The following UTRN variants were observed in gnomAD, a reference collection of about 807,000 sequenced individuals.
UTRN encodes dystrophin-related protein 1.
In UTRN, 283 loss-of-function variants were observed where a neutral mutation model predicts 463.9. The ratio of observed to expected loss-of-function variants is 0.61; its 90% CI spans 0.55 to 0.67. The LOEUF is 0.67. UTRN is among the 30% of genes least tolerant of loss of function. The probability of loss-of-function intolerance (pLI) is 0.00; values close to 1 mark genes in which losing one functional copy is unlikely to be tolerated. For missense variants in UTRN, 3,922 were observed against 4,084.3 expected, an observed-to-expected ratio of 0.96 and a Z score of 1.08; for synonymous variants, 1,442 against 1,431.5, an observed-to-expected ratio of 1.01 and a Z score of -0.17.
intron 2 of UTRN, among the ~76,000 whole-genome samples, chr6:144,329,199 C>G (rs1161785909): frequency 6.6e-6 from 1 of 151,698 alleles, no homozygotes; most frequent in African/African-American, 2.4e-5. Flanking sequence ...TCTCCTGCCT[C>G]AGACTCCCGA....
At chr6:144,352,232 A>T (rs1352667753) in intron 2 of UTRN, among the ~76,000 whole-genome samples, 1 of 152,186 alleles carries the variant, frequency 6.6e-6, no homozygotes, top group Non-Finnish European at 1.5e-5. Flanking sequence ...AGTATTTATT[A>T]TCTAACTCTG....
At chr6:144,663,805 C>G (rs369489391) in intron 51 of UTRN, among the ~76,000 whole-genome samples, 4 of 152,188 alleles carry the variant, frequency 2.6e-5, no homozygotes, top group African/African-American at 9.6e-5. Context: ...TCACATGACT[C>G]TATCTTTTAT....
At chr6:144,544,826 A>T (rs768921890) in intron 46 of UTRN, among the ~76,000 whole-genome samples, 15 of 152,100 alleles carry the variant, frequency 9.9e-5, no homozygotes, top group Admixed American at 4.6e-4. Flanking sequence ...TCCTAAGACC[A>T]GCTCCTCCAC....
intron 27 of UTRN, among the ~76,000 whole-genome samples, chr6:144,483,840 A>C (rs893053274): frequency 2.0e-5 from 3 of 152,228 alleles, no homozygotes; most frequent in African/African-American, 7.2e-5. Flanking sequence ...TGTACAACAC[A>C]TACCCCCCTC....
chr6:144,539,950 C>T (rs899975699), intron 45 of UTRN, among the ~76,000 whole-genome samples: 6 of 150,090 alleles, frequency 4.0e-5, no homozygotes, highest in Non-Finnish European at 7.4e-5. Context: ...GGCCGAGGCA[C>T]GAGAATTGCC....
At chr6:144,706,334 A>G (rs981775360) in intron 53 of UTRN, among the ~76,000 whole-genome samples, 39 of 151,892 alleles carry the variant, frequency 2.6e-4, no homozygotes, top group Non-Finnish European at 5.2e-4. Flanking sequence ...TAGAATTGTC[A>G]ATTACTGGAC....
chr6:144,363,771 G>A (rs542194954), intron 2 of UTRN, among the ~76,000 whole-genome samples: 1 of 152,156 alleles, frequency 6.6e-6, no homozygotes, highest in South Asian at 2.1e-4. Context: ...ATGAAAGGGG[G>A]TACCATTTGC....
At chr6:144,365,825 C>T (rs751332529) in intron 2 of UTRN, among the ~76,000 whole-genome samples, 3 of 152,156 alleles carry the variant, frequency 2.0e-5, no homozygotes, top group Non-Finnish European at 4.4e-5. Flanking sequence ...GCAACCTCCG[C>T]CTCCTGGGTT....
intron 54 of UTRN, among the ~76,000 whole-genome samples, chr6:144,736,351 A>G (rs570645290): frequency 1.0e-3 from 158 of 152,292 alleles, no homozygotes; most frequent in Middle Eastern, 3.4e-3. Flanking sequence ...TGTGATGTGT[A>G]CCATGCTATA....
intron 2 of UTRN, among the ~76,000 whole-genome samples, chr6:144,402,736 T>C (rs1783035160): frequency 6.6e-6 from 1 of 152,206 alleles, no homozygotes; most frequent in South Asian, 2.1e-4. Context: ...TTTTTGTTTT[T>C]AGCATGCTGA....
At chr6:144,674,772 A>G (rs1033211257) in intron 51 of UTRN, among the ~76,000 whole-genome samples, 2 of 152,080 alleles carry the variant, frequency 1.3e-5, no homozygotes, top group Non-Finnish European at 2.9e-5. Context: ...TTGCCCAGGC[A>G]GGTCTCAAAC....
In UTRN at chr6:144,522,083, G is replaced by T. The variant is rs973802062; in HGVS notation, c.5645G>T (p.Cys1882Phe). ...GTTGAAATTAACAAAATTTTACTTT[G>T]CATGGATGATGTTGAATTATCGCTT... ...YLVEINKILL[C>F]MDDVELSLNV... Residue 1882 changes from cysteine to phenylalanine, a missense_variant, in exon 40 of 75, where the codon TGC (cysteine) becomes TTC (phenylalanine). Physicochemically the swap from Cys to Phe is radical, Grantham distance 205. This residue lies in a region of UTRN where 2,349 missense variants were observed against 2,303.8 expected (regional missense o/e 1.02). Coordinates refer to ENST00000367545, the MANE Select transcript of UTRN (RefSeq NM_007124.3). 5.7e-6 allele frequency: 9 copies of T among 1,588,390 alleles called. No individual in the cohort carries two copies. The highest frequency in any genetic ancestry group is 7.7e-6 in the Non-Finnish European group (9 of 1,169,196).
At chr6:144,711,424 C>T (rs1785696106) in intron 53 of UTRN, among the ~76,000 whole-genome samples, 2 of 152,076 alleles carry the variant, frequency 1.3e-5, no homozygotes, top group South Asian at 4.1e-4. Flanking sequence ...TTTTTAGAAT[C>T]ATTTTTGAAG....
intron 33 of UTRN, among the ~76,000 whole-genome samples, chr6:144,497,360 G>C (rs13208073): frequency 1.3e-5 from 2 of 151,908 alleles, no homozygotes; most frequent in African/African-American, 4.8e-5. Flanking sequence ...GGATGGTGTG[G>C]CCATTGAGAT....
chr6:144,485,275 G>C, intron 27 of UTRN, 110 bp from the exon 28 acceptor site: 1 of 1,461,194 alleles, frequency 6.8e-7, no homozygotes, highest in Admixed American at 2.0e-5. Flanking sequence ...TGAATTCCTA[G>C]GTATACTCAC....
chr6:144,624,856 T>A (rs1775787841), intron 51 of UTRN, among the ~76,000 whole-genome samples: 1 of 152,196 alleles, frequency 6.6e-6, no homozygotes. Flanking sequence ...GTCTAGATCG[T>A]TTTTGACAGT....
chr6:144,489,992 A>G (rs541878300), intron 30 of UTRN, 79 bp from the exon 31 acceptor site: 4 of 1,546,408 alleles, frequency 2.6e-6, no homozygotes, highest in East Asian at 2.3e-5. Flanking sequence ...ACACAACGAT[A>G]TAGAACTTTT....
intron 57 of UTRN, among the ~76,000 whole-genome samples, chr6:144,756,130 A>T (rs1791963267): frequency 6.6e-6 from 1 of 152,130 alleles, no homozygotes; most frequent in Admixed American, 6.6e-5. Context: ...ATGTTGATGA[A>T]GTAAATAGGT....
rs1313837443 is a variant in UTRN, at chr6:144,474,753, C to T, written c.3330C>T (p.Ser1110=). 1 of 1,611,744 alleles carries T rather than the reference C, an allele frequency of 6.2e-7. No homozygotes were observed. The highest frequency in any genetic ancestry group is 1.3e-5 in the African/African-American group (1 of 74,762). Residue 1110 remains serine, a synonymous_variant, in exon 25 of 75, where the codon AGC becomes AGT. Coordinates refer to ENST00000367545, the MANE Select transcript of UTRN (RefSeq NM_007124.3). ...ACCAAACTCAACTGGAGAAACTTAG[C>T]AAGGAGGTGAGTTTTTCAACTTTAC... ...GDYQTQLEKL[S]KEIATQKSRL...
Sources: gnomAD v4.1 joint callset for allele counts (sites outside exome capture counted in the v4.1 genomes callset) on GRCh38, gnomAD v4.1.1 for gene constraint, gnomAD v4.1.1 regional missense constraint, MANE v1.5 for transcripts, NCBI Gene and HGNC (gene_info 2026-07-23, HGNC 2026-07-21) for gene names.